Variants in HS3ST2 observed in about 807,000 individuals in gnomAD.
HS3ST2 encodes the protein heparan sulfate-glucosamine 3-sulfotransferase 2, also known as heparan sulfate glucosamine 3-O-sulfotransferase 2.
HS3ST2 carries 17 observed loss-of-function variants against 26.3 expected under a neutral mutation model. That is an observed-to-expected ratio of 0.65 (90% CI 0.44 to 0.97). The LOEUF (loss-of-function observed/expected upper bound fraction) is 0.97, where lower values mean the gene tolerates loss of function less well. HS3ST2 is among the 50% of genes least tolerant of loss of function. The pLI is 0.00. For synonymous variants in HS3ST2, 237 were observed against 219.2 expected (o/e 1.08, Z -0.72); for missense variants, 402 against 501.2 (o/e 0.80, Z 1.89).
rs749866847 is a variant in HS3ST2, at chr16:22,882,814, C to T, written c.486-32130C>T. Among the ~76,000 whole-genome samples, 40 of 152,072 alleles carry T rather than the reference C, an allele frequency of 2.6e-4. No individual in the cohort carries two copies. In the Middle Eastern group the frequency reaches 0.01, roughly 39 times the overall value. The stretch of plus-strand genomic sequence containing the variant: ...TTGGGAAGCTGAGGCAGGTGGATCA[C>T]GAGGTCAAGAGATTGAGACCATCCT... On this transcript the variant is annotated intron_variant, in intron 1 of 1. Transcript: ENST00000261374.
intron 1 of HS3ST2, among the ~76,000 whole-genome samples, chr16:22,905,275 C>T (rs1174296219): frequency 6.6e-6 from 1 of 152,214 alleles, no homozygotes; most frequent in African/African-American, 2.4e-5. Context: ...TTCCCACTTG[C>T]TTGCATGTGC....
At chr16:22,846,416 T>C (rs1410708934) in intron 1 of HS3ST2, among the ~76,000 whole-genome samples, 2 of 152,214 alleles carry the variant, frequency 1.3e-5, no homozygotes, top group Non-Finnish European at 2.9e-5. Context: ...TCCCTTGTTA[T>C]ATTCCTGGTC....
chr16:22,814,874 G>A lies in HS3ST2; in HGVS notation c.264G>A (p.Ala88=), dbSNP rs1198888847. 2 of 1,556,934 alleles carry A rather than the reference G, an allele frequency of 1.3e-6. No individual in the cohort carries two copies. Residue 88 remains alanine (A), a synonymous_variant, in exon 1 of 2, where the codon GCG becomes GCA. Coordinates refer to ENST00000261374, the MANE Select transcript of HS3ST2 (RefSeq NM_006043.2). ...CCAGCGAGCCCAGCGCTCCCAGCGC[G>A]CCCGCCGCCGCCGTGCCCGCCCCTC... The part of the protein sequence containing the change: ...PTPSEPSAPS[A]PAAAVPAPRL...
chr16:22,860,163 A>C (rs978718712), intron 1 of HS3ST2, among the ~76,000 whole-genome samples: 2 of 152,174 alleles, frequency 1.3e-5, no homozygotes, highest in African/African-American at 4.8e-5. Context: ...GTAATTTATA[A>C]AGGAAAGAGG....
chr16:22,894,715 AT>A (rs1461279907), intron 1 of HS3ST2, among the ~76,000 whole-genome samples: 2 of 150,914 alleles, frequency 1.3e-5, no homozygotes, highest in African/African-American at 4.9e-5. Flanking sequence ...CCTGGGCAAC[AT>A]GGGTGAGACT....
At chr16:22,825,249 G>C (rs947943485) in intron 1 of HS3ST2, among the ~76,000 whole-genome samples, 2 of 152,206 alleles carry the variant, frequency 1.3e-5, no homozygotes, top group Admixed American at 1.3e-4. Context: ...TAGGGTTGCT[G>C]TGAAGATTCA....
At chr16:22,890,100 C>A (rs186161466) in intron 1 of HS3ST2, among the ~76,000 whole-genome samples, 1 of 152,096 alleles carries the variant, frequency 6.6e-6, no homozygotes, top group Non-Finnish European at 1.5e-5. Flanking sequence ...AAAAAAGCTT[C>A]GGATATCTCT....
chr16:22,866,427 A>C (rs1450413172), intron 1 of HS3ST2, among the ~76,000 whole-genome samples: 1 of 150,980 alleles, frequency 6.6e-6, no homozygotes, highest in Non-Finnish European at 1.5e-5. Context: ...GGAAGGGTTA[A>C]TTGCAACAAA....
At chr16:22,840,473 C>T (rs1476623629) in intron 1 of HS3ST2, among the ~76,000 whole-genome samples, 1 of 152,064 alleles carries the variant, frequency 6.6e-6, no homozygotes, top group Non-Finnish European at 1.5e-5. Flanking sequence ...ACCTCTGCCT[C>T]CCAGTTTCAA....
chr16:22,890,690 G>A (rs1032280874), intron 1 of HS3ST2, among the ~76,000 whole-genome samples: 20 of 152,158 alleles, frequency 1.3e-4, no homozygotes, highest in African/African-American at 4.6e-4. Flanking sequence ...GAAAACTGAG[G>A]CTTAAAGAGG....
chr16:22,834,337 G>T (rs939055537), intron 1 of HS3ST2, among the ~76,000 whole-genome samples: 1 of 151,940 alleles, frequency 6.6e-6, no homozygotes, highest in Non-Finnish European at 1.5e-5. Context: ...ATTTTATACT[G>T]CTATTCATAT....
At chr16:22,855,696 G>GTCTC (rs3078722) in intron 1 of HS3ST2, among the ~76,000 whole-genome samples, 33,485 of 142,834 alleles carry the variant, frequency 0.23, 3,974 homozygotes, top group Admixed American at 0.29. Context: ...CTGTCTCTCT[G>GTCTC]TCTCTCTCTC....
intron 1 of HS3ST2, among the ~76,000 whole-genome samples, chr16:22,894,428 G>C (rs1902177125): frequency 6.6e-6 from 1 of 152,168 alleles, no homozygotes; most frequent in Non-Finnish European, 1.5e-5. Flanking sequence ...CTCTAACATT[G>C]ATTGTGCCTT....
chr16:22,814,540 G>T lies in HS3ST2; in HGVS notation c.-71G>T, dbSNP rs1240035754. ...CGCCACGCGAGCCCTCTAGGCGACC[G>T]CAGGGCCACAGCAGCTCAGCCGCCG... On this transcript the variant is annotated 5_prime_UTR_variant, in exon 1 of 2. Coordinates refer to ENST00000261374, the MANE Select transcript of HS3ST2 (RefSeq NM_006043.2). The T allele has an allele frequency of 6.4e-6, 9 of 1,416,622 alleles. No individual in the cohort carries two copies. The South Asian group carries it at 7.7e-5, about 12-fold the overall frequency. The allele number at this position is 1,416,622 out of a possible 1,614,324, so 87.8% of individuals were successfully genotyped here. A position where few individuals can be genotyped will look rare whatever the true frequency, so the allele number is the denominator to read the frequency against.
At position 22,814,737 on chromosome 16, in the gene HS3ST2, G is replaced by T. The variant is rs780005383; in HGVS notation, c.127G>T (p.Asp43Tyr). 2.9e-5 allele frequency: 46 copies of T among 1,608,626 alleles called. No individual in the cohort carries two copies. Among genetic ancestry groups the T allele is most frequent in the Non-Finnish European group, 3.8e-5 (45 of 1,178,384 alleles). Residue 43 changes from aspartate (D) to tyrosine (Y), a missense_variant, in exon 1 of 2, where the codon GAC becomes TAC. Asp to Tyr is a radical substitution (Grantham distance 160). This residue lies in a region of HS3ST2 where 165 missense variants were observed against 154.6 expected (regional missense o/e 1.07). Coordinates refer to ENST00000261374, the MANE Select transcript of HS3ST2 (RefSeq NM_006043.2). ...TTACAGCTTCCTGTGCTGCTGCGAC[G>T]ACCTGGGTCGGAGCCGCCTCCTCGG... Reference protein sequence around the residue: ...LCYSFLCCCDDLGRSRLLGAP... With the variant: ...LCYSFLCCCDYLGRSRLLGAP...
chr16:22,893,286 T>C (rs1330505561), intron 1 of HS3ST2, among the ~76,000 whole-genome samples: 3 of 152,350 alleles, frequency 2.0e-5, no homozygotes, highest in East Asian at 1.9e-4. Context: ...TTCTGTGGTA[T>C]TTATATGAGA....
At chr16:22,908,365 C>T (rs1417447566) in intron 1 of HS3ST2, among the ~76,000 whole-genome samples, 1 of 152,168 alleles carries the variant, frequency 6.6e-6, no homozygotes, top group Admixed American at 6.5e-5. Context: ...CTGCCCTGCC[C>T]TCATGTAATT....
intron 1 of HS3ST2, among the ~76,000 whole-genome samples, chr16:22,905,215 G>A (rs1902334824): frequency 6.6e-6 from 1 of 152,162 alleles, no homozygotes; most frequent in Admixed American, 6.5e-5. Flanking sequence ...GTAATAATCA[G>A]TGGTGTGCCA....
At chr16:22,819,461 T>A (rs1292303499) in intron 1 of HS3ST2, among the ~76,000 whole-genome samples, 1 of 152,188 alleles carries the variant, frequency 6.6e-6, no homozygotes, top group Non-Finnish European at 1.5e-5. Context: ...CTGTGTGTAG[T>A]AGTTTTTAGA....
Sources: allele counts gnomAD v4.1 joint callset (sites outside exome capture counted in the v4.1 genomes callset), GRCh38; gene constraint gnomAD v4.1.1; regional missense constraint gnomAD v4.1.1; transcripts MANE v1.5; gene names NCBI Gene and HGNC (gene_info 2026-07-23, HGNC 2026-07-21).